Variants in ZNF605 observed in about 807,000 individuals in gnomAD.
ZNF605 encodes the protein zinc finger protein 605.
In ZNF605, 9 loss-of-function variants were observed where a neutral mutation model predicts 7.9. That is an observed-to-expected ratio of 1.14 (90% CI 0.68 to 1.98). The LOEUF is 1.98. ZNF605 is among the 30% of genes most tolerant of loss of function. The pLI, the probability that ZNF605 is intolerant of heterozygous loss-of-function variation, is 0.00. For missense variants in ZNF605, 673 were observed against 762.4 expected (o/e 0.88, Z 1.38); for synonymous variants, 255 against 260.1 (o/e 0.98, Z 0.19).
At position 132,920,153 on chromosome 12, in the gene ZNF605, T is replaced by A. The variant is rs2094332569; in HGVS notation, c.*5220A>T. 2 of 151,080 alleles carry A rather than the reference T, an allele frequency of 1.3e-5. No homozygotes were observed. The highest frequency in any genetic ancestry group is 2.9e-5 in the Non-Finnish European group (2 of 67,884). The allele number at this position is 151,080 out of a possible 1,614,324, so 9.4% of individuals were successfully genotyped here. A position where few individuals can be genotyped will look rare whatever the true frequency, so the allele number is the denominator to read the frequency against. On this transcript the variant is annotated 3_prime_UTR_variant, in exon 5 of 5. Transcript: ENST00000360187. ...GCGCCCAGCGCCTGATTTATTTATT[T>A]TTTTGAGACAGAGCCTCGCTCTATC...
rs1440312814 is a variant in ZNF605 at position 132,923,485 on chromosome 12, T to A, written c.*1888A>T. 6.6e-6 allele frequency: 1 copy of A among 152,270 alleles called. No individual in the cohort carries two copies. Among genetic ancestry groups the A allele is most frequent in the Non-Finnish European group, 1.5e-5 (1 of 68,050 alleles). 9.4% of individuals were successfully genotyped at this position (152,270 alleles called of 1,614,324 possible). On this transcript the variant is annotated 3_prime_UTR_variant, in exon 5 of 5. Transcript: ENST00000360187. The stretch of plus-strand genomic sequence containing the variant: ...AATTCTAGGTTGCAGGGTTTGTTGT[T>A]TATTTCATTAAGGAATTTAGAGATA...
At chr12:132,955,994 A>G (rs1952632750) in intron 1 of ZNF605, among the ~76,000 whole-genome samples, 1 of 34,714 alleles carries the variant, frequency 2.9e-5, no homozygotes, top group Non-Finnish European at 6.5e-5. Flanking sequence ...CGCCCGCCCT[A>G]CAGCCCCCAC....
intron 1 of ZNF605, among the ~76,000 whole-genome samples, chr12:132,954,586 C>T (rs993978254): frequency 6.6e-6 from 1 of 150,576 alleles, no homozygotes; most frequent in Non-Finnish European, 1.5e-5. Context: ...CTGAGGCTTG[C>T]GCCACAGACC....
At position 132,920,345 on chromosome 12, in the gene ZNF605, T is replaced by G. The variant is rs933039340; in HGVS notation, c.*5028A>C. Reference sequence around the variant, plus strand: ...TAGTAGAGACGGGGTTTCACCGTGTTAGCCAGGATGGTCTCGATCTCCTGA... The same window carrying G: ...TAGTAGAGACGGGGTTTCACCGTGTGAGCCAGGATGGTCTCGATCTCCTGA... On this transcript the variant is annotated 3_prime_UTR_variant, in exon 5 of 5. Transcript: ENST00000360187. 6.6e-6 allele frequency: 1 copy of G among 151,970 alleles called. No individual in the cohort carries two copies. Among genetic ancestry groups the G allele is most frequent in the Non-Finnish European group, 1.5e-5 (1 of 68,050 alleles). The allele number at this position is 151,970 out of a possible 1,614,324, so 9.4% of individuals were successfully genotyped here.
chr12:132,926,255 C>T lies in ZNF605; in HGVS notation c.1044G>A (p.Arg348=). ...TCTGATGCCTAATGAGAAGTGAGTT[C>T]CTGCTGAAGGCTTTTTGACACTCAC... ...GCGECQKAFS[R]NSLLIRHQRI... is the part of the protein sequence containing the mutation. Residue 348 remains arginine (R), a synonymous_variant, in exon 5 of 5, where the codon AGG becomes AGA. Coordinates refer to ENST00000360187, the MANE Select transcript of ZNF605 (RefSeq NM_183238.4). 3 of 1,614,086 alleles carry T rather than the reference C, an allele frequency of 1.9e-6. No homozygotes were observed. The South Asian group carries it at 3.3e-5, about 18-fold the overall frequency.
rs907875116 is a variant in ZNF605 at position 132,920,198 on chromosome 12, G to C, written c.*5175C>G. ...TCTATCACCCAGGCTGGAGTGCAGT[G>C]GTGTGATCTTGGCTCACTGCAAGCT... On this transcript the variant is annotated 3_prime_UTR_variant, in exon 5 of 5. Coordinates refer to ENST00000360187, the MANE Select transcript of ZNF605 (RefSeq NM_183238.4). 6 of 150,990 alleles carry C rather than the reference G, an allele frequency of 4.0e-5. No individual in the cohort carries two copies. Among genetic ancestry groups the C allele is most frequent in the African/African-American group, 1.5e-4 (6 of 40,898 alleles). The allele number at this position is 150,990 out of a possible 1,614,324, so 9.4% of individuals were successfully genotyped here.
rs1238523996 is a variant in ZNF605 at position 132,922,230 on chromosome 12, G to T, written c.*3143C>A. ...TCTTCACTCAGTAACTGATTATCTT[G>T]TTTCTTGTCCACAGATATTTAACCT... is the stretch of plus-strand genomic sequence containing the variant. On this transcript the variant is annotated 3_prime_UTR_variant, in exon 5 of 5. Coordinates refer to ENST00000360187, the MANE Select transcript of ZNF605 (RefSeq NM_183238.4). 6.6e-6 allele frequency: 1 copy of T among 152,172 alleles called. No homozygotes were observed. Among genetic ancestry groups the T allele is most frequent in the Non-Finnish European group, 1.5e-5 (1 of 68,030 alleles). The allele number at this position is 152,172 out of a possible 1,614,324, so 9.4% of individuals were successfully genotyped here.
chr12:132,942,779 A>G (rs946599553), intron 3 of ZNF605, among the ~76,000 whole-genome samples: 4 of 152,182 alleles, frequency 2.6e-5, no homozygotes, highest in Admixed American at 6.5e-5. Context: ...CAGGCCAGGT[A>G]AAGAAGATTC....
rs1952201549 is a variant in ZNF605 at position 132,921,095 on chromosome 12, G to A, written c.*4278C>T. 1 of 152,192 alleles carries A rather than the reference G, an allele frequency of 6.6e-6. No individual in the cohort carries two copies. Among genetic ancestry groups the A allele is most frequent in the South Asian group, 2.1e-4 (1 of 4,818 alleles). 9.4% of individuals were successfully genotyped at this position (152,192 alleles called of 1,614,324 possible). A position where few individuals can be genotyped will look rare whatever the true frequency, so the allele number is the denominator to read the frequency against. Reference sequence around the variant, plus strand: ...ACCCACCTCGGCCTCCCAAAGTGCTGGGATTACAGGCTTGCGTCACTGCAC... The same window carrying A: ...ACCCACCTCGGCCTCCCAAAGTGCTAGGATTACAGGCTTGCGTCACTGCAC... On this transcript the variant is annotated 3_prime_UTR_variant, in exon 5 of 5. Transcript: ENST00000360187.
At chr12:132,948,787 C>A (rs1285871119) in intron 1 of ZNF605, among the ~76,000 whole-genome samples, 2 of 152,222 alleles carry the variant, frequency 1.3e-5, no homozygotes, top group African/African-American at 4.8e-5. Context: ...TCCCACGTAC[C>A]CCAGAGGCTG....
At chr12:132,927,192 T>C in intron 4 of ZNF605, 30 bp from the exon 5 acceptor site, 1 of 1,455,212 alleles carries the variant, frequency 6.9e-7, no homozygotes, top group Non-Finnish European at 9.1e-7. Context: ...AACCATACTG[T>C]GTAATTCCTT....
chr12:132,953,373 C>A (rs1211471849), intron 1 of ZNF605, among the ~76,000 whole-genome samples: 1 of 152,238 alleles, frequency 6.6e-6, no homozygotes, highest in East Asian at 1.9e-4. Context: ...TGACCACAGA[C>A]TCCACAGACT....
At chr12:132,953,187 C>G (rs1952590831) in intron 1 of ZNF605, among the ~76,000 whole-genome samples, 1 of 152,184 alleles carries the variant, frequency 6.6e-6, no homozygotes, top group African/African-American at 2.4e-5. Flanking sequence ...ACCCCATGTG[C>G]CCCCATCACT....
At chr12:132,932,120 G>T (rs1454961683) in intron 4 of ZNF605, among the ~76,000 whole-genome samples, 11 of 152,082 alleles carry the variant, frequency 7.2e-5, no homozygotes, top group Admixed American at 1.3e-4. Flanking sequence ...GGTATTATTA[G>T]TAGTAGTAGA....
Position 132,920,527 on chromosome 12 carries a change from T to C in ZNF605, c.*4846A>G, listed in dbSNP as rs963423310. The C allele has an allele frequency of 6.6e-6, 1 of 152,174 alleles. No homozygotes were observed. Among genetic ancestry groups the C allele is most frequent in the East Asian group, 1.9e-4 (1 of 5,202 alleles). 9.4% of individuals were successfully genotyped at this position (152,174 alleles called of 1,614,324 possible). On this transcript the variant is annotated 3_prime_UTR_variant, in exon 5 of 5. Coordinates refer to ENST00000360187, the MANE Select transcript of ZNF605 (RefSeq NM_183238.4). ...TGTGTTCTAAGTTGCAAAGATCCCA[T>C]AAGGGAAATAAAGAATTATTAAATA...
intron 4 of ZNF605, among the ~76,000 whole-genome samples, chr12:132,928,851 AT>A (rs1402990831): frequency 3.3e-5 from 5 of 149,496 alleles, no homozygotes; most frequent in Non-Finnish European, 3.0e-5. Flanking sequence ...GTCTCTTCAA[AT>A]TTTTTTTTTC....
chr12:132,933,175 G>A lies in ZNF605; in HGVS notation c.16-20C>T, dbSNP rs1952323882. On this transcript the variant is annotated intron_variant, in intron 3 of 4. Transcript: ENST00000360187. This position sits in a 1 kb window ranked among gnomAD's most constrained non-coding sequence, Gnocchi z 4.4. ...TGATATCTGGAAAAGCATAATCCCT[G>A]TTAAACCTGAAGTGGTTCTCATTTG... 1 of 1,591,736 alleles carries A rather than the reference G, an allele frequency of 6.3e-7. No individual in the cohort carries two copies. Among genetic ancestry groups the A allele is most frequent in the Admixed American group, 1.8e-5 (1 of 55,672 alleles).
chr12:132,945,179 G>T (rs1952483887), intron 3 of ZNF605: 2 of 533,528 alleles, frequency 3.7e-6, no homozygotes, highest in Non-Finnish European at 6.7e-6. Context: ...GGCCAGGCTG[G>T]TCTCAAACTC....
intron 4 of ZNF605, among the ~76,000 whole-genome samples, chr12:132,929,012 T>C (rs1331206455): frequency 7.1e-6 from 1 of 141,818 alleles, no homozygotes; most frequent in African/African-American, 2.7e-5. Context: ...AGACACAGGC[T>C]CAAAAACAAA....
Sources: gnomAD v4.1 joint callset for allele counts (sites outside exome capture counted in the v4.1 genomes callset) on GRCh38, gnomAD v4.1.1 for gene constraint, Gnocchi (gnomAD v3.1) non-coding constraint, MANE v1.5 for transcripts, NCBI Gene and HGNC (gene_info 2026-07-23, HGNC 2026-07-21) for gene names.